The following GALNT16 variants were observed in gnomAD, a reference collection of about 807,000 sequenced individuals.
GALNT16 encodes the protein polypeptide N-acetylgalactosaminyltransferase 16.
Under a neutral mutation model 76.1 loss-of-function variants are expected in GALNT16, and 40 were observed. That is an observed-to-expected ratio of 0.53 (90% CI 0.41 to 0.68). The LOEUF (loss-of-function observed/expected upper bound fraction) is 0.68. Among genes scored for constraint, GALNT16 ranks in the 30% least tolerant of loss-of-function variants. GALNT16 has a pLI of 0.00. For missense variants in GALNT16, 621 were observed against 731.9 expected, an observed-to-expected ratio of 0.85 and a Z score of 1.75; for synonymous variants, 276 against 285.2, an observed-to-expected ratio of 0.97 and a Z score of 0.32.
At chr14:69,317,204 A>G (rs1008308301) in intron 1 of GALNT16, among the ~76,000 whole-genome samples, 2 of 152,186 alleles carry the variant, frequency 1.3e-5, no homozygotes, top group Non-Finnish European at 1.5e-5. Context: ...GTGCCAAATG[A>G]TGCATTTACT....
At chr14:69,347,316 G>T (rs58574638) in intron 13 of GALNT16, 135 bp downstream of exon 13, 4 of 773,012 alleles carry the variant, frequency 5.2e-6, no homozygotes, top group Non-Finnish European at 6.0e-6. Context: ...GGGGCCCCTA[G>T]ACCCTGCTCC....
intron 12 of GALNT16, among the ~76,000 whole-genome samples, chr14:69,342,633 A>T (rs770498140): frequency 6.6e-6 from 1 of 152,250 alleles, no homozygotes; most frequent in Non-Finnish European, 1.5e-5. Flanking sequence ...TTATAATCAT[A>T]GAAACTGTGA....
At chr14:69,383,986 AT>A in the GALNT16 span, among the ~76,000 whole-genome samples, 490 of 150,468 alleles carry the variant, frequency 3.3e-3, 4 homozygotes, top group African/African-American at 0.011. Context: ...TGTCTCTAAA[AT>A]TTTTTTTTTA....
intron 5 of GALNT16, among the ~76,000 whole-genome samples, chr14:69,327,196 C>A (rs188256568): frequency 6.6e-6 from 1 of 152,100 alleles, no homozygotes; most frequent in Admixed American, 6.5e-5. Context: ...ACTAAAAATA[C>A]GAAAATATCT....
intron 1 of GALNT16, among the ~76,000 whole-genome samples, chr14:69,291,130 C>A (rs1018514188): frequency 2.0e-5 from 3 of 152,054 alleles, no homozygotes; most frequent in African/African-American, 7.2e-5. Flanking sequence ...GTTTCTACGA[C>A]AAATTTTAAA....
Position 69,352,129 on chromosome 14 carries a change from C to T in GALNT16, c.1638C>T (p.Asp546=), listed in dbSNP as rs79442186. Residue 546 remains aspartate (D), a synonymous_variant, in exon 15 of 15, where the codon GAC becomes GAT. Transcript: ENST00000448469. ...TGGTGACCAGCAAGTGTCAGGCTGA[C>T]GCCCAGGCCCAGCAGTGGCAGCTGT... The part of the protein sequence containing the change: ...AQLVTSKCQA[D]AQAQQWQLLP... 1,204 of 1,613,610 alleles carry T rather than the reference C, an allele frequency of 7.5e-4. 11 individuals are homozygous for T. In the African/African-American group the frequency reaches 0.014, roughly 19 times the overall value.
intron 2 of GALNT16, among the ~76,000 whole-genome samples, chr14:69,324,435 G>A (rs558992157): frequency 2.6e-5 from 4 of 152,164 alleles, no homozygotes; most frequent in South Asian, 4.1e-4. Flanking sequence ...GAGATCTCTG[G>A]TAAAGAGCCC....
chr14:69,288,063 T>A (rs534494058), intron 1 of GALNT16, among the ~76,000 whole-genome samples: 7 of 152,218 alleles, frequency 4.6e-5, no homozygotes, highest in African/African-American at 7.2e-5. Flanking sequence ...ACTGACAGTG[T>A]CTGCCACTGC....
chr14:69,291,488 A>T (rs1482481553), intron 1 of GALNT16, among the ~76,000 whole-genome samples: 1 of 152,164 alleles, frequency 6.6e-6, no homozygotes, highest in Non-Finnish European at 1.5e-5. Flanking sequence ...CAACCCAGTG[A>T]GGTCAGGGTC....
intron 1 of GALNT16, among the ~76,000 whole-genome samples, chr14:69,319,237 C>T (rs2045143976): frequency 6.6e-6 from 1 of 152,216 alleles, no homozygotes; most frequent in African/African-American, 2.4e-5. Flanking sequence ...GGCAGCAGTT[C>T]AGGAGATCAG....
intron 1 of GALNT16, among the ~76,000 whole-genome samples, chr14:69,288,280 G>A (rs540614348): frequency 1.7e-4 from 26 of 152,266 alleles, no homozygotes; most frequent in African/African-American, 5.8e-4. Context: ...CCAGCATCCC[G>A]GCAGGACTCT....
rs1473778487 is a variant in GALNT16 at position 69,322,971 on chromosome 14, TGTGTGTGTGTGC to T, written c.336-1719_336-1708del. Among the ~76,000 whole-genome samples, 46 of 55,788 alleles carry T rather than the reference TGTGTGTGTGTGC, an allele frequency of 8.2e-4. 2 individuals are homozygous for T. The highest frequency in any genetic ancestry group is 7.5e-3 in the African/African-American group (44 of 5,896). The allele number at this position is 55,788 out of a possible 152,430, so 36.6% of individuals were successfully genotyped here. A position where few individuals can be genotyped will look rare whatever the true frequency, so the allele number is the denominator to read the frequency against. On this transcript the variant is annotated intron_variant, in intron 2 of 14. Coordinates refer to ENST00000448469, the MANE Select transcript of GALNT16 (RefSeq NM_001168368.2). ...GTGTGTGTGTGTGTGTGTGTGTGTGTGTGTGTGTGTGCGCGCGCACGCGCGCACGCATGCACA... is the reference window on the plus strand; with the variant it reads ...GTGTGTGTGTGTGTGTGTGTGTGTGTGCGCGCACGCGCGCACGCATGCACA...
At chr14:69,331,009 C>G (rs2045345570) in intron 6 of GALNT16, among the ~76,000 whole-genome samples, 1 of 152,030 alleles carries the variant, frequency 6.6e-6, no homozygotes, top group Non-Finnish European at 1.5e-5. Context: ...TGGGAAGACT[C>G]AAACAACTAT....
chr14:69,320,092 C>A (rs906598436), intron 1 of GALNT16, among the ~76,000 whole-genome samples: 12 of 152,156 alleles, frequency 7.9e-5, no homozygotes, highest in African/African-American at 2.9e-4. Context: ...CTCACCCCCC[C>A]AATATCCCGC....
chr14:69,333,080 C>T lies in GALNT16; in HGVS notation c.779-5C>T. On this transcript the variant is annotated splice_region_variant and splice_polypyrimidine_tract_variant and intron_variant, in intron 7 of 14. Coordinates refer to ENST00000448469, the MANE Select transcript of GALNT16 (RefSeq NM_001168368.2). This position sits in a 1 kb window ranked among gnomAD's most constrained non-coding sequence, Gnocchi z 4.2. ...GCTCTGTCCTCACCTTGCTGTGTCC[C>T]TTAGGGTTCGACTGGAGCCTGCATT... 6.2e-7 allele frequency: 1 copy of T among 1,610,500 alleles called. No individual in the cohort carries two copies. Among genetic ancestry groups the T allele is most frequent in the Non-Finnish European group, 8.5e-7 (1 of 1,176,766 alleles).
intron 1 of GALNT16, among the ~76,000 whole-genome samples, chr14:69,319,135 G>A (rs1424894026): frequency 6.6e-6 from 1 of 152,356 alleles, no homozygotes. Context: ...CAGTGGACAC[G>A]AGGACATCTC....
At position 69,325,398 on chromosome 14, in the gene GALNT16, T is replaced by C; in HGVS notation, c.496T>C (p.Ser166Pro). Residue 166 changes from serine (S) to proline (P), a missense_variant, in exon 4 of 15, where the codon TCA (serine) becomes CCA (proline). Physicochemically the swap from Ser to Pro is moderately conservative, Grantham distance 74. Transcript: ENST00000448469. The stretch of plus-strand genomic sequence containing the variant: ...GATCATTTTAGTGGATGACTTCAGC[T>C]CAGATCGTGAGTAGTCACCTTCCTT... ...QEIILVDDFS[S>P]DPEDCLLLTR... 1.9e-6 allele frequency: 3 copies of C among 1,583,430 alleles called. No individual in the cohort carries two copies. Among genetic ancestry groups the C allele is most frequent in the Non-Finnish European group, 2.6e-6 (3 of 1,152,058 alleles).
chr14:69,333,740 C>T lies in GALNT16; in HGVS notation c.967+140C>T. The T allele has an allele frequency of 1.7e-6, 1 of 590,146 alleles. No homozygotes were observed. The highest frequency in any genetic ancestry group is 3.3e-5 in the Admixed American group (1 of 30,540). 36.6% of individuals were successfully genotyped at this position (590,146 alleles called of 1,614,324 possible). A position where few individuals can be genotyped will look rare whatever the true frequency, so the allele number is the denominator to read the frequency against. On this transcript the variant is annotated intron_variant, in intron 9 of 14. Coordinates refer to ENST00000448469, the MANE Select transcript of GALNT16 (RefSeq NM_001168368.2). The surrounding 1 kb of genome is among the most constrained non-coding windows in gnomAD (Gnocchi z 4.2). Reference sequence around the variant, plus strand: ...GTCATTTAATTCTCTCAAGGACCCTCTGAGGTAAGTACCATGATCTCCATT... The same window carrying T: ...GTCATTTAATTCTCTCAAGGACCCTTTGAGGTAAGTACCATGATCTCCATT...
At chr14:69,335,079 C>T (rs2045399503) in intron 9 of GALNT16, among the ~76,000 whole-genome samples, 1 of 152,214 alleles carries the variant, frequency 6.6e-6, no homozygotes, top group African/African-American at 2.4e-5. Context: ...AACTCCACAT[C>T]TAATGGGCGT....
Sources: gnomAD v4.1 joint callset for allele counts (sites outside exome capture counted in the v4.1 genomes callset) on GRCh38, gnomAD v4.1.1 for gene constraint, Gnocchi (gnomAD v3.1) non-coding constraint, MANE v1.5 for transcripts, NCBI Gene and HGNC (gene_info 2026-07-23, HGNC 2026-07-21) for gene names.